Variants in DYRK1A observed in about 807,000 individuals in gnomAD.
DYRK1A encodes the protein dual specificity tyrosine-phosphorylation-regulated kinase 1A.
DYRK1A carries 9 observed loss-of-function variants against 79.7 expected under a neutral mutation model. The ratio of observed to expected loss-of-function variants is 0.11; its 90% confidence interval spans 0.07 to 0.20. The LOEUF is 0.20. DYRK1A is among the 10% of genes least tolerant of loss of function. The pLI, the probability that DYRK1A is intolerant of heterozygous loss-of-function variation, is 1.00. For missense variants in DYRK1A, 622 were observed against 956.0 expected (o/e 0.65, Z 4.61); for synonymous variants, 349 against 329.7 (o/e 1.06, Z -0.63).
chr21:37,509,525 C>G (rs183661064), intron 11 of DYRK1A, among the ~76,000 whole-genome samples: 22 of 152,338 alleles, frequency 1.4e-4, no homozygotes, highest in African/African-American at 5.1e-4. Flanking sequence ...CAGCTCACTG[C>G]AGCCTTGAGC....
In DYRK1A at chr21:37,513,201, A is replaced by G. The variant is rs1349801047; in HGVS notation, c.*670A>G. ...ATCTGAACCTACTGAGGAGCAAAGC[A>G]GCAATTACATGGGATCCTGTGGCTC... is the stretch of plus-strand genomic sequence containing the variant. On this transcript the variant is annotated 3_prime_UTR_variant, in exon 12 of 12. Coordinates refer to ENST00000647188, the MANE Select transcript of DYRK1A (RefSeq NM_001347721.2). The G allele has an allele frequency of 6.5e-6, 1 of 152,758 alleles. No individual in the cohort carries two copies. The highest frequency in any genetic ancestry group is 2.4e-5 in the African/African-American group (1 of 41,438). 9.5% of individuals were successfully genotyped at this position (152,758 alleles called of 1,614,324 possible).
chr21:37,512,663 ATT>A lies in DYRK1A; in HGVS notation c.*141_*142del. ...GAACCGCTACAAGAGGGCAAAGCTG[ATT>A]TTTTTTTTAACTTGAAAAGATTGCA... On this transcript the variant is annotated 3_prime_UTR_variant, in exon 12 of 12. Coordinates refer to ENST00000647188, the MANE Select transcript of DYRK1A (RefSeq NM_001347721.2). 7 of 935,930 alleles carry A rather than the reference ATT, an allele frequency of 7.5e-6. No homozygotes were observed. Among genetic ancestry groups the A allele is most frequent in the South Asian group, 1.9e-5 (1 of 52,796 alleles). 58.0% of individuals were successfully genotyped at this position (935,930 alleles called of 1,614,324 possible). A position where few individuals can be genotyped will look rare whatever the true frequency, so the allele number is the denominator to read the frequency against.
At chr21:37,479,834 A>C (rs971273789) in intron 4 of DYRK1A, among the ~76,000 whole-genome samples, 61 of 151,704 alleles carry the variant, frequency 4.0e-4, no homozygotes, top group African/African-American at 1.4e-3. Flanking sequence ...TCACCGTGTT[A>C]GCCAGGATGG....
intron 1 of DYRK1A, among the ~76,000 whole-genome samples, chr21:37,417,836 A>G (rs1278511753): frequency 3.9e-5 from 6 of 152,140 alleles, no homozygotes; most frequent in Non-Finnish European, 8.8e-5. Flanking sequence ...CCTTTGGCAA[A>G]CTGAGCTAGA....
intron 1 of DYRK1A, among the ~76,000 whole-genome samples, chr21:37,397,470 A>G (rs902530664): frequency 1.3e-5 from 2 of 152,190 alleles, no homozygotes; most frequent in Non-Finnish European, 2.9e-5. Context: ...TCCAGTGAAG[A>G]GTAGTTAGAA....
intron 1 of DYRK1A, among the ~76,000 whole-genome samples, chr21:37,417,508 T>TC (rs2050368324): frequency 1.4e-5 from 1 of 69,290 alleles, no homozygotes; most frequent in Non-Finnish European, 2.7e-5. Context: ...TTATTTTTCT[T>TC]TTCTTTTTCT....
In DYRK1A at chr21:37,519,736, G is replaced by GTTTTTT. The variant is rs10590534; in HGVS notation, c.*7223_*7228dup. The GTTTTTT allele has an allele frequency of 2.3e-5, 2 of 85,798 alleles. No homozygotes were observed. The highest frequency in any genetic ancestry group is 9.7e-5 in the African/African-American group (2 of 20,578). The allele number at this position is 85,798 out of a possible 1,614,324, so 5.3% of individuals were successfully genotyped here. A position where few individuals can be genotyped will look rare whatever the true frequency, so the allele number is the denominator to read the frequency against. ...AGAGTTTTGAGGTTTGTTGTGGGAA[G>GTTTTTT]TTTTTTTTTTTTTTTTTTTTTTTGA... On this transcript the variant is annotated 3_prime_UTR_variant, in exon 12 of 12. Coordinates refer to ENST00000647188, the MANE Select transcript of DYRK1A (RefSeq NM_001347721.2).
intron 1 of DYRK1A, among the ~76,000 whole-genome samples, chr21:37,394,039 T>C (rs1050784450): frequency 3.3e-5 from 5 of 152,064 alleles, no homozygotes; most frequent in African/African-American, 1.2e-4. Flanking sequence ...GGGGTGGGGA[T>C]TGTACAAGGT....
chr21:37,479,721 A>G (rs1469249773), intron 4 of DYRK1A, among the ~76,000 whole-genome samples: 2 of 138,244 alleles, frequency 1.4e-5, no homozygotes, highest in Admixed American at 8.0e-5. Flanking sequence ...TCCGCCTCCC[A>G]GGTTCATACC....
rs1447174732 is a variant in DYRK1A at position 37,505,580 on chromosome 21, T to A, written c.1510T>A (p.Ser504Thr). Residue 504 changes from serine to threonine, a missense_variant, in exon 10 of 12, where the codon TCA becomes ACA. Ser to Thr is a moderately conservative substitution (Grantham distance 58). Around this residue, in one of 5 missense-constraint regions of DYRK1A, gnomAD observed 21 missense variants for 62.5 expected, o/e 0.34. Transcript: ENST00000647188. The stretch of plus-strand genomic sequence containing the variant: ...TTCGGGCACCACCTCCAGTACATCG[T>A]CAAGCTCAGGTCTGTGCTGCTGCGG... ...QSSGTTSSTS[S>T]SSGGSSGTSN... 2 of 1,603,360 alleles carry A rather than the reference T, an allele frequency of 1.2e-6. No homozygotes were observed. The highest frequency in any genetic ancestry group is 3.3e-5 in the Admixed American group (2 of 59,890).
intron 2 of DYRK1A, among the ~76,000 whole-genome samples, chr21:37,442,723 G>A (rs548287409): frequency 1.6e-4 from 25 of 152,078 alleles, no homozygotes; most frequent in Non-Finnish European, 2.8e-4. Flanking sequence ...ATAGGTGTGA[G>A]CCAGCATGCC....
chr21:37,372,783 C>T (rs1220638840), intron 1 of DYRK1A, among the ~76,000 whole-genome samples: 1 of 152,146 alleles, frequency 6.6e-6, no homozygotes, highest in Admixed American at 6.5e-5. Context: ...CATTCATGCT[C>T]ATTCTGTGAT....
intron 2 of DYRK1A, among the ~76,000 whole-genome samples, chr21:37,438,152 A>C (rs964274959): frequency 6.6e-6 from 1 of 151,754 alleles, no homozygotes; most frequent in Non-Finnish European, 1.5e-5. Context: ...TGTTTGTTCA[A>C]ATCTTTTGTC....
At chr21:37,441,447 C>G (rs748299460) in intron 2 of DYRK1A, among the ~76,000 whole-genome samples, 2 of 152,030 alleles carry the variant, frequency 1.3e-5, no homozygotes, top group Admixed American at 6.6e-5. Context: ...TTTGTGTTGT[C>G]TGTTTTTCCC....
chr21:37,420,431 G>A (rs1254686956), intron 2 of DYRK1A, 47 bp downstream of exon 2: 3 of 1,594,472 alleles, frequency 1.9e-6, no homozygotes, highest in Non-Finnish European at 2.6e-6. Context: ...AAGAGAATGT[G>A]GGAATCGATG....
chr21:37,408,346 A>G (rs2050185682), intron 1 of DYRK1A, among the ~76,000 whole-genome samples: 1 of 152,238 alleles, frequency 6.6e-6, no homozygotes, highest in South Asian at 2.1e-4. Context: ...CTGAAAACAT[A>G]TACAGAAGTG....
At chr21:37,494,047 A>T (rs1357160568) in intron 8 of DYRK1A, among the ~76,000 whole-genome samples, 2 of 146,928 alleles carry the variant, frequency 1.4e-5, no homozygotes, top group East Asian at 2.0e-4. Context: ...AAGCGCCACT[A>T]TGCCTGGCTA....
chr21:37,449,610 G>GA (rs894774737), intron 2 of DYRK1A, among the ~76,000 whole-genome samples: 67 of 152,026 alleles, frequency 4.4e-4, no homozygotes, highest in African/African-American at 3.1e-4. Flanking sequence ...TTGACTCAGG[G>GA]AAAAAAATGC....
intron 1 of DYRK1A, among the ~76,000 whole-genome samples, chr21:37,368,902 G>A (rs2049372942): frequency 6.6e-6 from 1 of 152,164 alleles, no homozygotes; most frequent in African/African-American, 2.4e-5. Context: ...AATTACCTTT[G>A]TGGCTTGCCG....
Sources: gnomAD v4.1 joint callset for allele counts (sites outside exome capture counted in the v4.1 genomes callset) on GRCh38, gnomAD v4.1.1 for gene constraint, gnomAD v4.1.1 regional missense constraint, MANE v1.5 for transcripts, NCBI Gene and HGNC (gene_info 2026-07-23, HGNC 2026-07-21) for gene names.